Variants in PLA2G12B observed in about 807,000 individuals in gnomAD.
PLA2G12B encodes the protein group XIIB secretory phospholipase A2-like protein.
PLA2G12B carries 19 observed loss-of-function variants against 22.3 expected under a neutral mutation model. That is an observed-to-expected ratio of 0.85 (90% CI 0.60 to 1.25). The LOEUF is 1.25. Ranked by LOEUF, PLA2G12B falls within the 50% of genes most tolerant of loss-of-function variation. The pLI is 0.00. For synonymous variants in PLA2G12B, 81 were observed against 94.9 expected, an observed-to-expected ratio of 0.85 and a Z score of 0.85; for missense variants, 191 against 246.6, an observed-to-expected ratio of 0.77 and a Z score of 1.51.
intron 2 of PLA2G12B, 53 bp from the exon 3 acceptor site, chr10:72,941,387 C>T: frequency 6.4e-7 from 1 of 1,558,372 alleles, no homozygotes; most frequent in Non-Finnish European, 8.8e-7. Flanking sequence ...CACGTTTAGA[C>T]TAAGGACCTT....
intron 1 of PLA2G12B, among the ~76,000 whole-genome samples, chr10:72,944,420 A>G (rs947220138): frequency 6.6e-6 from 1 of 152,300 alleles, no homozygotes; most frequent in South Asian, 2.1e-4. Flanking sequence ...CTTTACTCTC[A>G]CAAAGAATTT....
chr10:72,954,764 C>G lies in PLA2G12B; in HGVS notation c.-79G>C. The G allele has an allele frequency of 7.5e-6, 11 of 1,458,000 alleles. No homozygotes were observed. The highest frequency in any genetic ancestry group is 1.0e-5 in the Non-Finnish European group (11 of 1,058,896). The allele number at this position is 1,458,000 out of a possible 1,614,324, so 90.3% of individuals were successfully genotyped here. A position where few individuals can be genotyped will look rare whatever the true frequency, so the allele number is the denominator to read the frequency against. ...GAATTCCAGGGACAAACCCCCTACC[C>G]AGATGTCAGGCAGGACTGGGAAAGG... On this transcript the variant is annotated 5_prime_UTR_variant, in exon 1 of 4. Coordinates refer to ENST00000373032, the MANE Select transcript of PLA2G12B (RefSeq NM_032562.5).
At chr10:72,950,732 A>G (rs927926528) in intron 1 of PLA2G12B, among the ~76,000 whole-genome samples, 12 of 152,216 alleles carry the variant, frequency 7.9e-5, no homozygotes, top group Non-Finnish European at 1.6e-4. Flanking sequence ...CGCCGGCCTC[A>G]GCCTCCCAAA....
rs764443836 is a variant in PLA2G12B at position 72,954,448 on chromosome 10, T to A, written c.211+27A>T. 5 of 1,614,066 alleles carry A rather than the reference T, an allele frequency of 3.1e-6. No individual in the cohort carries two copies. The East Asian group carries it at 8.9e-5, about 29-fold the overall frequency. On this transcript the variant is annotated intron_variant, in intron 1 of 3. Transcript: ENST00000373032. ...TCCATGGGTCCACCAGCAACAGTTT[T>A]TACAGAAAGAGAAACCGCACACTCA...
At chr10:72,936,088 G>A (rs528240382) in intron 3 of PLA2G12B, among the ~76,000 whole-genome samples, 1 of 152,102 alleles carries the variant, frequency 6.6e-6, no homozygotes, top group Non-Finnish European at 1.5e-5. Flanking sequence ...ATACCACCCA[G>A]AACACACCGA....
intron 3 of PLA2G12B, among the ~76,000 whole-genome samples, chr10:72,936,982 C>T (rs897172858): frequency 2.0e-4 from 31 of 152,242 alleles, no homozygotes; most frequent in South Asian, 1.2e-3. Flanking sequence ...AGGCAGATCA[C>T]GAGGTCAGGA....
chr10:72,942,592 C>A, intron 2 of PLA2G12B, 60 bp downstream of exon 2: 1 of 1,354,166 alleles, frequency 7.4e-7, no homozygotes, highest in Non-Finnish European at 1.0e-6. Context: ...TCAAGGATAA[C>A]TCTAGGATTG....
rs1589535501 is a variant in PLA2G12B at position 72,935,723 on chromosome 10, A to G, written c.482T>C (p.Leu161Pro). 1 of 1,613,876 alleles carries G rather than the reference A, an allele frequency of 6.2e-7. No individual in the cohort carries two copies. Among genetic ancestry groups the G allele is most frequent in the Non-Finnish European group, 8.5e-7 (1 of 1,179,892 alleles). ...VSKVEAACDS[L>P]VDTVFNTVWT... ...CACGGTGTTGAACACAGTGTCAACC[A>G]GGGAATCACAGGCTGCTTGAAAAAG... is the stretch of plus-strand genomic sequence containing the variant. The change falls in exon 4 of 4, where the codon CTG (leucine) becomes CCG (proline). Residue 161 changes from leucine to proline, a missense_variant. Leu to Pro is a moderately conservative substitution (Grantham distance 98, BLOSUM62 -3). Transcript: ENST00000373032.
rs555566215 is a variant in PLA2G12B, at chr10:72,935,523, G to A, written c.*94C>T. 14 of 1,536,652 alleles carry A rather than the reference G, an allele frequency of 9.1e-6. No individual in the cohort carries two copies. In the South Asian group the frequency reaches 1.6e-4, roughly 18 times the overall value. ...CTGCTTTGTGGTGTCCAAACTGTTGGAAGAACGAATGAGTCACGCTGACTC... is the reference window on the plus strand; with the variant it reads ...CTGCTTTGTGGTGTCCAAACTGTTGAAAGAACGAATGAGTCACGCTGACTC... On this transcript the variant is annotated 3_prime_UTR_variant, in exon 4 of 4. Transcript: ENST00000373032.
Position 72,935,651 on chromosome 10 carries a change from C to G in PLA2G12B, c.554G>C (p.Cys185Ser). The G allele has an allele frequency of 6.2e-7, 1 of 1,614,222 alleles. No homozygotes were observed. Among genetic ancestry groups the G allele is most frequent in the East Asian group, 2.2e-5 (1 of 44,886 alleles). ...TTCCTTCTCCTCCTCTGCACAGATG[C>G]AAGCTGCCCGCTGACTATTCATAAA... ...RPFMNSQRAA[C>S]ICAEEEKEEL The change falls in exon 4 of 4, where the codon TGC becomes TCC. Residue 185 changes from cysteine (C) to serine (S), a missense_variant. Transcript: ENST00000373032.
chr10:72,940,920 TG>T (rs1846349844), intron 3 of PLA2G12B, among the ~76,000 whole-genome samples: 1 of 152,184 alleles, frequency 6.6e-6, no homozygotes, highest in Non-Finnish European at 1.5e-5. Flanking sequence ...TTTATTTTTC[TG>T]GGAAGACTTT....
At chr10:72,941,674 A>T (rs1180211897) in intron 2 of PLA2G12B, among the ~76,000 whole-genome samples, 1 of 152,214 alleles carries the variant, frequency 6.6e-6, no homozygotes, top group Non-Finnish European at 1.5e-5. Flanking sequence ...AGGGCTTCTA[A>T]ATTTAATTAA....
intron 1 of PLA2G12B, among the ~76,000 whole-genome samples, chr10:72,945,608 C>G (rs1188643116): frequency 1.3e-5 from 2 of 151,938 alleles, no homozygotes; most frequent in Non-Finnish European, 2.9e-5. Context: ...TTTCGAGGTA[C>G]CTTTTTGCTC....
intron 1 of PLA2G12B, among the ~76,000 whole-genome samples, chr10:72,952,619 TCA>T (rs952378452): frequency 1.3e-5 from 2 of 152,218 alleles, no homozygotes; most frequent in African/African-American, 4.8e-5. Context: ...ATTGCTCGAT[TCA>T]CAATCAGTTT....
chr10:72,938,507 G>A (rs1462908402), intron 3 of PLA2G12B, among the ~76,000 whole-genome samples: 1 of 151,910 alleles, frequency 6.6e-6, no homozygotes, highest in Non-Finnish European at 1.5e-5. Context: ...TAAGATCAAT[G>A]TACAAAAATC....
chr10:72,954,252 G>T (rs958358829), intron 1 of PLA2G12B, among the ~76,000 whole-genome samples: 2 of 152,174 alleles, frequency 1.3e-5, no homozygotes, highest in African/African-American at 2.4e-5. Context: ...AATTTGTCAG[G>T]ATAAGTATGT....
intron 1 of PLA2G12B, among the ~76,000 whole-genome samples, chr10:72,950,073 G>T (rs1218325012): frequency 6.6e-6 from 1 of 152,054 alleles, no homozygotes; most frequent in East Asian, 1.9e-4. Context: ...TACATCAATG[G>T]AACACAGCAG....
chr10:72,938,904 G>C (rs1180154440), intron 3 of PLA2G12B, among the ~76,000 whole-genome samples: 2 of 152,208 alleles, frequency 1.3e-5, no homozygotes, highest in African/African-American at 4.8e-5. Flanking sequence ...AACACATCTT[G>C]ATTTCAAAAT....
chr10:72,946,697 G>A (rs1321673058), intron 1 of PLA2G12B, among the ~76,000 whole-genome samples: 2 of 152,126 alleles, frequency 1.3e-5, no homozygotes, highest in Non-Finnish European at 1.5e-5. Context: ...ATTATGTTGA[G>A]CATCTTTTTA....
Sources: gnomAD v4.1 joint callset for allele counts (sites outside exome capture counted in the v4.1 genomes callset) on GRCh38, gnomAD v4.1.1 for gene constraint, MANE v1.5 for transcripts, NCBI Gene and HGNC (gene_info 2026-07-23, HGNC 2026-07-21) for gene names.